The following SMC2 variants were observed in gnomAD, a reference collection of about 807,000 sequenced individuals.
SMC2 encodes the protein structural maintenance of chromosomes 2.
In SMC2, 41 loss-of-function variants were observed where a neutral mutation model predicts 142.6. The observed-to-expected ratio is 0.29, with a 90% CI of 0.22 to 0.37. The LOEUF (loss-of-function observed/expected upper bound fraction) is 0.37, where lower values mean the gene tolerates loss of function less well. Ranked by LOEUF, SMC2 falls within the 10% of genes least tolerant of loss-of-function variation. SMC2 has a pLI of 1.00. For synonymous variants in SMC2, 463 were observed against 457.5 expected (o/e 1.01, Z -0.15); for missense variants, 1,265 against 1,373.7 (o/e 0.92, Z 1.25).
chr9:104,139,584 C>A lies in SMC2; in HGVS notation c.*269C>A, dbSNP rs1012450631. 8.8e-5 allele frequency: 23 copies of A among 261,870 alleles called. No homozygotes were observed. The East Asian group carries it at 1.7e-3, about 19-fold the overall frequency. The allele number at this position is 261,870 out of a possible 1,614,324, so 16.2% of individuals were successfully genotyped here. ...GCGGGTCTTTTATATATTAGGGATC[C>A]TGAGATACCCGATTCTATATGTAAA... On this transcript the variant is annotated 3_prime_UTR_variant, in exon 25 of 25. Transcript: ENST00000374793.
At chr9:104,137,097 G>A (rs1405602434) in intron 23 of SMC2, among the ~76,000 whole-genome samples, 1 of 152,024 alleles carries the variant, frequency 6.6e-6, no homozygotes, top group Non-Finnish European at 1.5e-5. Flanking sequence ...GCAGTGAACC[G>A]AGATTGTGCT....
Position 104,139,354 on chromosome 9 carries a change from A to T in SMC2, c.*39A>T, listed in dbSNP as rs748447134. ...TTCTTCATCTTGACCTGTTTTTTTA[A>T]ATGTAAACTTTTAAGGACTTGAGAT... On this transcript the variant is annotated 3_prime_UTR_variant, in exon 25 of 25. Coordinates refer to ENST00000374793, the MANE Select transcript of SMC2 (RefSeq NM_006444.3). 5.3e-6 allele frequency: 8 copies of T among 1,518,644 alleles called. No homozygotes were observed. In the South Asian group the frequency reaches 1.0e-4, roughly 19 times the overall value. The allele number at this position is 1,518,644 out of a possible 1,614,324, so 94.1% of individuals were successfully genotyped here. A position where few individuals can be genotyped will look rare whatever the true frequency, so the allele number is the denominator to read the frequency against.
chr9:104,135,761 G>A (rs1835459131), intron 23 of SMC2: 2 of 496,822 alleles, frequency 4.0e-6, no homozygotes, highest in Non-Finnish European at 8.0e-6. Context: ...CACTATGTAA[G>A]CCAGAAGTCT....
intron 1 of SMC2, 55 bp downstream of exon 1, chr9:104,094,532 AGGC>A (rs1830226420): frequency 2.1e-4 from 3 of 14,116 alleles, no homozygotes; most frequent in Non-Finnish European, 5.9e-4. Flanking sequence ...TCCTGGCGGG[AGGC>A]GGGAGGCGGG....
At chr9:104,100,360 GA>G in intron 6 of SMC2, 28 bp from the exon 7 acceptor site, 1 of 1,512,138 alleles carries the variant, frequency 6.6e-7, no homozygotes, top group Non-Finnish European at 9.1e-7. Context: ...CTTTACATGC[GA>G]AAATACTGAT....
Position 104,095,483 on chromosome 9 carries a change from A to G in SMC2, c.99A>G (p.Leu33=). 1 of 1,613,874 alleles carries G rather than the reference A, an allele frequency of 6.2e-7. No individual in the cohort carries two copies. Among genetic ancestry groups the G allele is most frequent in the Non-Finnish European group, 8.5e-7 (1 of 1,179,764 alleles). ...FDPLFNAITG[L]NGSGKSNILD... ...CCCTCTTCAATGCTATCACTGGCTT[A>G]AATGGTAGTGGGAAATCCAACATAT... The change falls in exon 2 of 25, where the codon TTA becomes TTG. Residue 33 remains leucine, a synonymous_variant. Transcript: ENST00000374793.
At position 104,118,185 on chromosome 9, in the gene SMC2, C is replaced by A. The variant is rs146281336; in HGVS notation, c.1806C>A (p.Asn602Lys). ...RVAQNLVGPD[N>K]VHVALSLVEY... ...TTGTCCCACAGGTTGGCCCTGACAACGTTCATGTGGCTCTTTCCTTGGTTG... is the reference window on the plus strand; with the variant it reads ...TTGTCCCACAGGTTGGCCCTGACAAAGTTCATGTGGCTCTTTCCTTGGTTG... The change falls in exon 15 of 25, where the codon AAC becomes AAA. Residue 602 changes from asparagine (N) to lysine (K), a missense_variant. Physicochemically the swap from Asn to Lys is moderately conservative, Grantham distance 94. This residue lies in a region of SMC2 where 898 missense variants were observed against 904.2 expected (regional missense o/e 0.99). Coordinates refer to ENST00000374793, the MANE Select transcript of SMC2 (RefSeq NM_006444.3). 6.2e-7 allele frequency: 1 copy of A among 1,613,714 alleles called. No homozygotes were observed. The highest frequency in any genetic ancestry group is 8.5e-7 in the Non-Finnish European group (1 of 1,179,688).
At position 104,111,004 on chromosome 9, in the gene SMC2, C is replaced by T. The variant is rs545284775; in HGVS notation, c.1021-577C>T. Among the ~76,000 whole-genome samples the T allele has an allele frequency of 2.1e-3, 325 of 152,304 alleles. 4 individuals are homozygous for T. Among genetic ancestry groups the T allele is most frequent in the Middle Eastern group, 0.01 (3 of 294 alleles). ...TAATAAATATTTGATGAATCATGAA[C>T]TAATCAAGTGGGCCAAAATTTGTTG... On this transcript the variant is annotated intron_variant, in intron 9 of 24. Coordinates refer to ENST00000374793, the MANE Select transcript of SMC2 (RefSeq NM_006444.3).
intron 9 of SMC2, among the ~76,000 whole-genome samples, chr9:104,104,868 C>T (rs1243518323): frequency 6.6e-6 from 1 of 152,216 alleles, no homozygotes; most frequent in Non-Finnish European, 1.5e-5. Flanking sequence ...TTTCACTGTG[C>T]CCAGGAGGAC....
In SMC2 at chr9:104,114,037, T is replaced by A; in HGVS notation, c.1488T>A (p.Tyr496Ter). ...ATATTGGTAGATTGAAAGAAACATA[T>A]GAAGCTCTATTAGCCAGATTTCCCA... Reference protein sequence around the residue: ...SRDIGRLKETYEALLARFPNL... With the variant: ...SRDIGRLKET The change falls in exon 12 of 25, where the codon TAT (tyrosine) becomes TAA (stop). Residue 496 changes from tyrosine (Y) to a stop codon, truncating the protein, a stop_gained. Transcript: ENST00000374793. LOFTEE classifies it high-confidence loss of function. 1 of 1,600,670 alleles carries A rather than the reference T, an allele frequency of 6.2e-7. No homozygotes were observed. Among genetic ancestry groups the A allele is most frequent in the Non-Finnish European group, 8.5e-7 (1 of 1,175,770 alleles).
intron 23 of SMC2, among the ~76,000 whole-genome samples, chr9:104,134,993 C>G (rs1835378233): frequency 6.6e-6 from 1 of 152,076 alleles, no homozygotes. Flanking sequence ...CATTAGGTCT[C>G]TACTGTCCCT....
In SMC2 at chr9:104,129,835, C is replaced by A; in HGVS notation, c.2981C>A (p.Ala994Asp). ...AGAGCTATGAATGTATTGACAGAAG[C>A]TGAAGAGCGAGTAAGTCAATTTCTT... ...NMRAMNVLTE[A>D]EERYNDLMKK... Residue 994 changes from alanine to aspartate, a missense_variant, in exon 21 of 25, where the codon GCT becomes GAT. Transcript: ENST00000374793. The A allele has an allele frequency of 6.2e-7, 1 of 1,612,836 alleles. No homozygotes were observed. Among genetic ancestry groups the A allele is most frequent in the Non-Finnish European group, 8.5e-7 (1 of 1,179,156 alleles).
At chr9:104,118,008 A>AACTT (rs1833321476) in intron 14 of SMC2, among the ~76,000 whole-genome samples, 163 bp from the exon 15 acceptor site, 1 of 152,112 alleles carries the variant, frequency 6.6e-6, no homozygotes, top group African/African-American at 2.4e-5. Flanking sequence ...TTTTTCCTGA[A>AACTT]ACTTTGAGTT....
chr9:104,131,953 C>A, intron 21 of SMC2, 56 bp from the exon 22 acceptor site: 6 of 887,102 alleles, frequency 6.8e-6, no homozygotes, highest in South Asian at 3.1e-5. Context: ...GACCAAATTC[C>A]AGAATATAGA....
chr9:104,091,321 A>T (rs1829978942), upstream of SMC2, among the ~76,000 whole-genome samples: 1 of 152,220 alleles, frequency 6.6e-6, no homozygotes, highest in African/African-American at 2.4e-5. Flanking sequence ...GGTAACTATA[A>T]CACAATGTTG....
chr9:104,132,913 T>A (rs1018490980), intron 22 of SMC2, among the ~76,000 whole-genome samples: 1 of 151,710 alleles, frequency 6.6e-6, no homozygotes, highest in African/African-American at 2.4e-5. Context: ...TCTAAACATA[T>A]CCTGCTCTTC....
chr9:104,102,807 A>C (rs1831314033), intron 9 of SMC2, among the ~76,000 whole-genome samples: 1 of 152,184 alleles, frequency 6.6e-6, no homozygotes, highest in African/African-American at 2.4e-5. Context: ...CATGTTATAG[A>C]GTGATAACTG....
In SMC2 at chr9:104,096,081, C is replaced by T. The variant is rs567100259; in HGVS notation, c.169-67C>T. On this transcript the variant is annotated intron_variant, in intron 2 of 24. Transcript: ENST00000374793. The stretch of plus-strand genomic sequence containing the variant: ...GTGGGTTTTCCAACAGCAAGGGACC[C>T]ATTTTTAGTGCTGCTTTGTACGGTA... 9.3e-5 allele frequency: 135 copies of T among 1,458,318 alleles called. No individual in the cohort carries two copies. In the South Asian group the frequency reaches 1.5e-3, roughly 16 times the overall value. 90.3% of individuals were successfully genotyped at this position (1,458,318 alleles called of 1,614,324 possible).
intron 12 of SMC2, among the ~76,000 whole-genome samples, 200 bp from the exon 13 acceptor site, chr9:104,114,491 T>C (rs977410939): frequency 6.6e-6 from 1 of 152,208 alleles, no homozygotes; most frequent in African/African-American, 2.4e-5. Context: ...TGAAACATAC[T>C]GAAAGATCTA....
Sources: gnomAD v4.1 joint callset for allele counts (sites outside exome capture counted in the v4.1 genomes callset) on GRCh38, gnomAD v4.1.1 for gene constraint, gnomAD v4.1.1 regional missense constraint, MANE v1.5 for transcripts, NCBI Gene and HGNC (gene_info 2026-07-23, HGNC 2026-07-21) for gene names.